ACSL1: variants seen among roughly 807,000 people sequenced by gnomAD.
ACSL1 encodes the protein acyl-CoA synthetase long chain family member 1.
A neutral mutation model predicts 98.4 loss-of-function variants in ACSL1; 41 were observed. That is an observed-to-expected ratio of 0.42 (90% CI 0.32 to 0.54). The LOEUF is 0.54. Ranked by LOEUF, ACSL1 falls within the 20% of genes least tolerant of loss-of-function variation. The pLI, the probability that ACSL1 is intolerant of heterozygous loss-of-function variation, is 0.13. For synonymous variants in ACSL1, 316 were observed against 322.7 expected, an observed-to-expected ratio of 0.98 and a Z score of 0.22; for missense variants, 734 against 883.1, an observed-to-expected ratio of 0.83 and a Z score of 2.14.
At chr4:184,805,698 G>C (rs1243980481) in intron 1 of ACSL1, 1 of 165,452 alleles carries the variant, frequency 6.0e-6, no homozygotes, top group Non-Finnish European at 1.2e-5. Flanking sequence ...TGCCCACTGG[G>C]CTAAAGGTAA....
At chr4:184,805,287 A>C (rs1241219855) in intron 1 of ACSL1, among the ~76,000 whole-genome samples, 1 of 152,226 alleles carries the variant, frequency 6.6e-6, no homozygotes, top group African/African-American at 2.4e-5. Context: ...TTAATTTTAA[A>C]TTTAATGGTC....
chr4:184,794,671 T>C (rs1347964917), intron 2 of ACSL1, among the ~76,000 whole-genome samples: 1 of 152,192 alleles, frequency 6.6e-6, no homozygotes, highest in Non-Finnish European at 1.5e-5. Flanking sequence ...GAGCAGAGCT[T>C]CGAACCTAGC....
intron 4 of ACSL1, among the ~76,000 whole-genome samples, chr4:184,780,953 T>C (rs1766142221): frequency 6.6e-6 from 1 of 152,104 alleles, no homozygotes; most frequent in Non-Finnish European, 1.5e-5. Flanking sequence ...AAAGCCTACA[T>C]ACAGGCCAGG....
intron 1 of ACSL1, among the ~76,000 whole-genome samples, chr4:184,811,395 A>C (rs578101584): frequency 6.6e-6 from 1 of 152,054 alleles, no homozygotes; most frequent in Non-Finnish European, 1.5e-5. Context: ...TACAGGTGTG[A>C]GCCACCGCGC....
chr4:184,769,274 A>G (rs1309971676), intron 11 of ACSL1, among the ~76,000 whole-genome samples: 1 of 152,160 alleles, frequency 6.6e-6, no homozygotes, highest in African/African-American at 2.4e-5. Flanking sequence ...GTGGCTTGCC[A>G]TTCAGCTAGA....
At chr4:184,772,190 G>A (rs1579859802) in intron 10 of ACSL1, among the ~76,000 whole-genome samples, 1 of 152,204 alleles carries the variant, frequency 6.6e-6, no homozygotes, top group South Asian at 2.1e-4. Context: ...CTTTGGTAAG[G>A]TACTAAATGT....
At chr4:184,774,694 T>C (rs1765025148) in intron 7 of ACSL1, among the ~76,000 whole-genome samples, 2 of 152,194 alleles carry the variant, frequency 1.3e-5, no homozygotes, top group Non-Finnish European at 2.9e-5. Flanking sequence ...AATGAGGATA[T>C]GGAATGAACA....
rs1762052160 is a variant in ACSL1, at chr4:184,755,621, T to G, written c.*1504A>C. On this transcript the variant is annotated 3_prime_UTR_variant, in exon 21 of 21. Coordinates refer to ENST00000281455, the MANE Select transcript of ACSL1 (RefSeq NM_001995.5). ...CACCTGAAATGCAGAAATATTTATTTTGGTTTCCTTCATTGTTTTTGGAAA... is the reference window on the plus strand; with the variant it reads ...CACCTGAAATGCAGAAATATTTATTGTGGTTTCCTTCATTGTTTTTGGAAA... 1 of 152,708 alleles carries G rather than the reference T, an allele frequency of 6.5e-6. No homozygotes were observed. The highest frequency in any genetic ancestry group is 6.5e-5 in the Admixed American group (1 of 15,286). 9.5% of individuals were successfully genotyped at this position (152,708 alleles called of 1,614,324 possible).
intron 11 of ACSL1, among the ~76,000 whole-genome samples, chr4:184,769,619 G>A (rs576218381): frequency 6.6e-6 from 1 of 152,320 alleles, no homozygotes; most frequent in South Asian, 2.1e-4. Flanking sequence ...TGGCAGATGG[G>A]ATCTAATCGC....
chr4:184,778,225 T>C lies in ACSL1; in HGVS notation c.478-1242A>G, dbSNP rs73874482. On this transcript the variant is annotated intron_variant, in intron 5 of 20. Transcript: ENST00000281455. Reference sequence around the variant, plus strand: ...CCCACTGCCTCCGGCTGCACCTTTCTAATGAAATCATCTGCAGAACTCTGA... The same window carrying C: ...CCCACTGCCTCCGGCTGCACCTTTCCAATGAAATCATCTGCAGAACTCTGA... Among the ~76,000 whole-genome samples, 742 of 152,278 alleles carry C rather than the reference T, an allele frequency of 4.9e-3. 8 individuals are homozygous for C. The highest frequency in any genetic ancestry group is 0.017 in the African/African-American group (713 of 41,542).
intron 18 of ACSL1, chr4:184,758,154 C>A: frequency 2.0e-6 from 1 of 494,872 alleles, no homozygotes; most frequent in African/African-American, 2.0e-5. Flanking sequence ...TAAAAAACCA[C>A]TGGGAATACC....
At chr4:184,802,676 C>T (rs1342660182) in intron 2 of ACSL1, among the ~76,000 whole-genome samples, 1 of 152,218 alleles carries the variant, frequency 6.6e-6, no homozygotes, top group East Asian at 1.9e-4. Flanking sequence ...TCCTATTAAG[C>T]CCTAATTGCC....
In ACSL1 at chr4:184,779,874, C is replaced by CTT. The variant is rs71591667; in HGVS notation, c.477+456_477+457dup. Among the ~76,000 whole-genome samples, 34 of 141,364 alleles carry CTT rather than the reference C, an allele frequency of 2.4e-4. 1 individual carries two copies. Among genetic ancestry groups the CTT allele is most frequent in the Middle Eastern group, 3.6e-3 (1 of 276 alleles). The allele number at this position is 141,364 out of a possible 152,430, so 92.7% of individuals were successfully genotyped here. A position where few individuals can be genotyped will look rare whatever the true frequency, so the allele number is the denominator to read the frequency against. On this transcript the variant is annotated intron_variant, in intron 5 of 20. Coordinates refer to ENST00000281455, the MANE Select transcript of ACSL1 (RefSeq NM_001995.5). ...AAGGCCCTGGTTCAGGTTTTCCTTT[C>CTT]TTTTTTTTTTTTTTTGAGACGGAGT... is the stretch of plus-strand genomic sequence containing the variant.
intron 1 of ACSL1, among the ~76,000 whole-genome samples, chr4:184,818,578 C>T (rs1377644270): frequency 2.0e-5 from 3 of 152,132 alleles, no homozygotes; most frequent in East Asian, 1.9e-4. Flanking sequence ...ATCTGACCAT[C>T]GGAACCTGCC....
chr4:184,808,576 A>T (rs1354380754), intron 1 of ACSL1: 3 of 907,820 alleles, frequency 3.3e-6, no homozygotes, highest in Non-Finnish European at 2.6e-6. Context: ...TAGGCTATTT[A>T]CAGAGGCTGA....
At chr4:184,784,104 T>C in intron 3 of ACSL1, 113 bp from the exon 4 acceptor site, 1 of 812,860 alleles carries the variant, frequency 1.2e-6, no homozygotes, top group Non-Finnish European at 2.0e-6. Context: ...TCTACTTTAG[T>C]CCTCAGATAA....
At chr4:184,810,864 C>T (rs573996469) in intron 1 of ACSL1, among the ~76,000 whole-genome samples, 56 of 152,274 alleles carry the variant, frequency 3.7e-4, no homozygotes, top group African/African-American at 9.6e-4. Context: ...GGGCTAAATG[C>T]GTCCTCGTCA....
In ACSL1 at chr4:184,766,558, C is replaced by T. The variant is rs1219502994; in HGVS notation, c.1263+64G>A. On this transcript the variant is annotated intron_variant, in intron 13 of 20. Coordinates refer to ENST00000281455, the MANE Select transcript of ACSL1 (RefSeq NM_001995.5). The surrounding 1 kb of genome is among the most constrained non-coding windows in gnomAD (Gnocchi z 4.8). ...ATCTCTCCCTCTCACAAAAAAGGCC[C>T]TCCCAGAACTCTGAAAAGCGAAGTC... The T allele has an allele frequency of 1.3e-6, 2 of 1,564,556 alleles. No homozygotes were observed. The highest frequency in any genetic ancestry group is 1.7e-6 in the Non-Finnish European group (2 of 1,151,214).
rs753584308 is a variant in ACSL1 at position 184,773,197 on chromosome 4, G to A, written c.842-43C>T. On this transcript the variant is annotated intron_variant, in intron 9 of 20. Transcript: ENST00000281455. This position sits in a 1 kb window ranked among gnomAD's most constrained non-coding sequence, Gnocchi z 4.3. ...AGCAGAACAAAGTTAAAGAATGACA[G>A]AAATGAAGGAGGCCCAGAAACCTCA... The A allele has an allele frequency of 6.4e-7, 1 of 1,561,416 alleles. No individual in the cohort carries two copies. Among genetic ancestry groups the A allele is most frequent in the South Asian group, 1.1e-5 (1 of 89,528 alleles).
Sources: allele counts gnomAD v4.1 joint callset (sites outside exome capture counted in the v4.1 genomes callset), GRCh38; gene constraint gnomAD v4.1.1; non-coding constraint Gnocchi (gnomAD v3.1); transcripts MANE v1.5; gene names NCBI Gene and HGNC (gene_info 2026-07-23, HGNC 2026-07-21).